Variants in SLC4A4 observed in about 807,000 individuals in gnomAD.
The protein encoded by SLC4A4 is electrogenic sodium bicarbonate cotransporter 1.
A neutral mutation model predicts 111.5 loss-of-function variants in SLC4A4; 27 were observed. The observed-to-expected ratio is 0.24, with a 90% CI of 0.18 to 0.33. The LOEUF is 0.33. SLC4A4 is among the 10% of genes least tolerant of loss of function. The pLI is 1.00. For synonymous variants in SLC4A4, 443 were observed against 463.4 expected (o/e 0.96, Z 0.57); for missense variants, 909 against 1,315.5 (o/e 0.69, Z 4.78).
intron 1 of SLC4A4, among the ~76,000 whole-genome samples, chr4:71,076,997 TACATATACATATATATGTGTAAAAAC>T (rs1741850628): frequency 6.7e-6 from 1 of 150,320 alleles, no homozygotes; most frequent in African/African-American, 2.4e-5. Context: ...CAAAAAAAAA[TACATATACATATATATGTGTAAAAAC>T]ACATATACAT....
rs1737931361 is a variant in SLC4A4, at chr4:71,571,456, AG to A, written c.*3706del. On this transcript the variant is annotated 3_prime_UTR_variant, in exon 26 of 26. Coordinates refer to ENST00000264485, the MANE Select transcript of SLC4A4 (RefSeq NM_001098484.3). ...CATGAGTTTTCAGATGATTTCATTG[AG>A]CTTCATTGCAGCCTGAAATTTTAAA... 1 of 152,182 alleles carries A rather than the reference AG, an allele frequency of 6.6e-6. No individual in the cohort carries two copies. Among genetic ancestry groups the A allele is most frequent in the Non-Finnish European group, 1.5e-5 (1 of 67,880 alleles). 9.4% of individuals were successfully genotyped at this position (152,182 alleles called of 1,614,324 possible).
chr4:71,174,408 G>A (rs188012867), intron 2 of SLC4A4, among the ~76,000 whole-genome samples: 116 of 151,944 alleles, frequency 7.6e-4, no homozygotes, highest in African/African-American at 2.7e-3. Context: ...GCACCACTAC[G>A]CCCAGCTAAT....
chr4:71,263,381 T>A (rs1289384465), intron 3 of SLC4A4, among the ~76,000 whole-genome samples: 1 of 152,184 alleles, frequency 6.6e-6, no homozygotes, highest in Non-Finnish European at 1.5e-5. Context: ...ACCTCTGTCA[T>A]TCAGATGTAT....
At chr4:71,168,894 G>A (rs1744859738) in intron 2 of SLC4A4, among the ~76,000 whole-genome samples, 1 of 152,100 alleles carries the variant, frequency 6.6e-6, no homozygotes, top group African/African-American at 2.4e-5. Context: ...TGGCTATTAT[G>A]ACCACTGCTG....
intron 6 of SLC4A4, among the ~76,000 whole-genome samples, chr4:71,363,128 C>T (rs1292636260): frequency 6.6e-6 from 1 of 152,208 alleles, no homozygotes; most frequent in East Asian, 1.9e-4. Context: ...AACACACACA[C>T]CTTTAGGTAT....
intron 3 of SLC4A4, among the ~76,000 whole-genome samples, chr4:71,321,006 ATGT>A (rs1727076767): frequency 2.0e-5 from 3 of 152,052 alleles, no homozygotes; most frequent in Admixed American, 2.0e-4. Context: ...GGATTAAGAA[ATGT>A]TGTAGAGATA....
Position 71,569,416 on chromosome 4 carries a change from C to A in SLC4A4, c.*1665C>A, listed in dbSNP as rs72854473. 2 of 151,150 alleles carry A rather than the reference C, an allele frequency of 1.3e-5. No homozygotes were observed. The highest frequency in any genetic ancestry group is 2.4e-5 in the African/African-American group (1 of 41,138). The allele number at this position is 151,150 out of a possible 1,614,324, so 9.4% of individuals were successfully genotyped here. A position where few individuals can be genotyped will look rare whatever the true frequency, so the allele number is the denominator to read the frequency against. The stretch of plus-strand genomic sequence containing the variant: ...TGCAAAGGCAATTATTCTTTGTAAG[C>A]GGGACATTTAGAATATATTTGTGTA... On this transcript the variant is annotated 3_prime_UTR_variant, in exon 26 of 26. Transcript: ENST00000264485.
At chr4:71,554,255 G>A (rs892607914) in intron 20 of SLC4A4, among the ~76,000 whole-genome samples, 5 of 151,700 alleles carry the variant, frequency 3.3e-5, no homozygotes, top group South Asian at 4.1e-4. Context: ...ATTGACTTGC[G>A]GTTTTAGTAT....
At chr4:71,533,556 A>T (rs1005657429) in intron 17 of SLC4A4, among the ~76,000 whole-genome samples, 1 of 152,016 alleles carries the variant, frequency 6.6e-6, no homozygotes, top group Non-Finnish European at 1.5e-5. Context: ...TACTGATGGA[A>T]AACAGACTAA....
At chr4:71,190,970 A>T (rs143966023) in intron 1 of SLC4A4, among the ~76,000 whole-genome samples, 210 of 152,362 alleles carry the variant, frequency 1.4e-3, no homozygotes, top group African/African-American at 5.0e-3. Context: ...ATTCAGTAGG[A>T]TCTATACTTC....
intron 1 of SLC4A4, among the ~76,000 whole-genome samples, chr4:71,213,489 T>G (rs896938533): frequency 1.3e-5 from 2 of 152,214 alleles, no homozygotes; most frequent in African/African-American, 4.8e-5. Flanking sequence ...ACTGGAGTAC[T>G]GAGTTTTCAT....
At chr4:71,481,969 A>C (rs551727151) in intron 14 of SLC4A4, among the ~76,000 whole-genome samples, 1 of 151,756 alleles carries the variant, frequency 6.6e-6, no homozygotes, top group African/African-American at 2.4e-5. Context: ...TGCTGAGTAA[A>C]TGGGAGAGAC....
At chr4:71,175,421 T>C (rs1005317914) in intron 2 of SLC4A4, among the ~76,000 whole-genome samples, 1 of 152,220 alleles carries the variant, frequency 6.6e-6, no homozygotes, top group African/African-American at 2.4e-5. Context: ...GGGAATTCCC[T>C]TTCCTAGTCA....
intron 3 of SLC4A4, chr4:71,339,039 G>C: frequency 6.8e-7 from 1 of 1,471,370 alleles, no homozygotes; most frequent in Non-Finnish European, 9.0e-7. Flanking sequence ...TTTTGGATGA[G>C]TCATAAGTGG....
At chr4:71,542,161 T>C (rs1219500999) in intron 18 of SLC4A4, among the ~76,000 whole-genome samples, 1 of 152,166 alleles carries the variant, frequency 6.6e-6, no homozygotes, top group Non-Finnish European at 1.5e-5. Flanking sequence ...CAGAGTTTAA[T>C]GTTTGTCGGA....
intron 2 of SLC4A4, among the ~76,000 whole-genome samples, chr4:71,123,426 G>A (rs1050139512): frequency 6.6e-6 from 1 of 152,050 alleles, no homozygotes; most frequent in African/African-American, 2.4e-5. Flanking sequence ...GTTGGGAGAC[G>A]ATCAAGGAAT....
intron 2 of SLC4A4, among the ~76,000 whole-genome samples, chr4:71,135,410 C>T (rs1335035075): frequency 6.6e-6 from 1 of 151,748 alleles, no homozygotes; most frequent in African/African-American, 2.4e-5. Flanking sequence ...GTTCTCCTGC[C>T]TCAGCCTCCT....
chr4:71,076,377 C>CA (rs887840953), intron 1 of SLC4A4, among the ~76,000 whole-genome samples: 11 of 151,774 alleles, frequency 7.2e-5, no homozygotes, highest in African/African-American at 4.8e-5. Context: ...CTAAAAATAC[C>CA]AAAAAATTAG....
intron 1 of SLC4A4, among the ~76,000 whole-genome samples, chr4:71,064,640 C>T (rs925703965): frequency 9.9e-5 from 15 of 152,142 alleles, no homozygotes; most frequent in African/African-American, 3.6e-4. Flanking sequence ...CAGGACCTAG[C>T]TAAGTGGAAG....
Sources: gnomAD v4.1 joint callset for allele counts (sites outside exome capture counted in the v4.1 genomes callset) on GRCh38, gnomAD v4.1.1 for gene constraint, MANE v1.5 for transcripts, NCBI Gene and HGNC (gene_info 2026-07-23, HGNC 2026-07-21) for gene names.